The following NPY variants were observed in gnomAD, a reference collection of about 807,000 sequenced individuals.
NPY encodes neuropeptide Y.
In NPY, 11 loss-of-function variants were observed where a neutral mutation model predicts 13.2. That is an observed-to-expected ratio of 0.83 (90% confidence interval 0.52 to 1.38). The LOEUF (loss-of-function observed/expected upper bound fraction) is 1.38. Among genes scored for constraint, NPY ranks in the 40% most tolerant of loss-of-function variants. The pLI is 0.00. For synonymous variants in NPY, 51 were observed against 55.6 expected, an observed-to-expected ratio of 0.92 and a Z score of 0.37; for missense variants, 109 against 125.1, an observed-to-expected ratio of 0.87 and a Z score of 0.61.
chr7:24,286,677 G>C (rs1448972586), intron 2 of NPY, among the ~76,000 whole-genome samples: 2 of 152,100 alleles, frequency 1.3e-5, no homozygotes, highest in African/African-American at 4.8e-5. Context: ...ACATGAAAAT[G>C]CCAGAATTAA....
Position 24,285,189 on chromosome 7 carries a change from C to G in NPY, c.1-52C>G, listed in dbSNP as rs16140. On this transcript the variant is annotated intron_variant, in intron 1 of 3. Coordinates refer to ENST00000242152, the MANE Select transcript of NPY (RefSeq NM_000905.4). This position sits in a 1 kb window ranked among gnomAD's most constrained non-coding sequence, Gnocchi z 4.9. ...GGGGGCAGAGGAGGGAGGTGCTGCGCGTGGGTGCTCTGAATCCCCAAGCCC... is the reference window on the plus strand; with the variant it reads ...GGGGGCAGAGGAGGGAGGTGCTGCGGGTGGGTGCTCTGAATCCCCAAGCCC... The G allele has an allele frequency of 0.27, 421,710 of 1,586,338 alleles. 57,403 individuals are homozygous for G. The highest frequency in any genetic ancestry group is 0.35 in the Middle Eastern group (2,061 of 5,946).
At chr7:24,284,394 C>A (rs938531460) in intron 1 of NPY, 119 bp downstream of exon 1, 1 of 152,442 alleles carries the variant, frequency 6.6e-6, no homozygotes, top group Non-Finnish European at 1.5e-5. Context: ...GCGCTCCACT[C>A]CCCAGCGGAC....
chr7:24,289,605 AT>A, intron 3 of NPY, 26 bp downstream of exon 3: 1 of 1,578,984 alleles, frequency 6.3e-7, no homozygotes, highest in Non-Finnish European at 8.7e-7. Flanking sequence ...TGATGGGGAC[AT>A]TGTTGCAGAG....
rs1226976641 is a variant in NPY, at chr7:24,285,977, G to A, written c.188+549G>A. Among the ~76,000 whole-genome samples the A allele has an allele frequency of 6.6e-6, 1 of 152,102 alleles. No homozygotes were observed. The highest frequency in any genetic ancestry group is 1.5e-5 in the Non-Finnish European group (1 of 68,010). ...GAGCTATTTTCTTTTCTTCTTCACT[G>A]TGTTTTTTTTGCAGTCTCACTCCCA... On this transcript the variant is annotated intron_variant, in intron 2 of 3. Transcript: ENST00000242152. This position sits in a 1 kb window ranked among gnomAD's most constrained non-coding sequence, Gnocchi z 4.9.
In NPY at chr7:24,289,728, G is replaced by C. The variant is rs561057560; in HGVS notation, c.269+149G>C. The C allele has an allele frequency of 9.9e-5, 49 of 496,020 alleles. No homozygotes were observed. In the South Asian group the frequency reaches 2.0e-3, roughly 21 times the overall value. The allele number at this position is 496,020 out of a possible 1,614,324, so 30.7% of individuals were successfully genotyped here. A position where few individuals can be genotyped will look rare whatever the true frequency, so the allele number is the denominator to read the frequency against. On this transcript the variant is annotated intron_variant, in intron 3 of 3. Coordinates refer to ENST00000242152, the MANE Select transcript of NPY (RefSeq NM_000905.4). ...AAATGAGGATGAAGAAGCAGGCAGAGGAGACCTCTCTTTTCATGTACTCAT... is the reference window on the plus strand; with the variant it reads ...AAATGAGGATGAAGAAGCAGGCAGACGAGACCTCTCTTTTCATGTACTCAT...
intron 2 of NPY, among the ~76,000 whole-genome samples, chr7:24,286,553 G>C (rs1787389322): frequency 6.6e-6 from 1 of 152,064 alleles, no homozygotes; most frequent in South Asian, 2.1e-4. Flanking sequence ...GGATCCAAAA[G>C]GGGGGAAGAT....
chr7:24,290,372 G>C (rs1239986533), intron 3 of NPY, among the ~76,000 whole-genome samples: 1 of 151,996 alleles, frequency 6.6e-6, no homozygotes, highest in Non-Finnish European at 1.5e-5. Flanking sequence ...TAGTTCACAG[G>C]GTCCACCCAC....
intron 3 of NPY, among the ~76,000 whole-genome samples, chr7:24,290,581 C>A (rs547805970): frequency 1.3e-4 from 19 of 151,864 alleles, no homozygotes; most frequent in African/African-American, 4.6e-4. Flanking sequence ...TCTAAAATGG[C>A]CAGCCAGCAT....
rs75440375 is a variant in NPY at position 24,285,068 on chromosome 7, G to C, written c.1-173G>C. 7.4e-4 allele frequency: 493 copies of C among 668,582 alleles called. 4 individuals carry two copies. In the East Asian group the frequency reaches 0.012, roughly 16 times the overall value. 41.4% of individuals were successfully genotyped at this position (668,582 alleles called of 1,614,324 possible). ...AGGTCCCGACCGGACGGCGCCCGGA[G>C]CCCGCAAGGTGGTGCTAGCCACTCC... is the stretch of plus-strand genomic sequence containing the variant. On this transcript the variant is annotated intron_variant, in intron 1 of 3. Transcript: ENST00000242152. This position sits in a 1 kb window ranked among gnomAD's most constrained non-coding sequence, Gnocchi z 4.9.
chr7:24,291,653 T>A lies in NPY; in HGVS notation c.270-10T>A. On this transcript the variant is annotated splice_polypyrimidine_tract_variant and intron_variant, in intron 3 of 3. Transcript: ENST00000242152. ...CTTTCCTTACATGCTTTGCTTCTTA[T>A]GTTTTACAGGCTTGAAGACCCTGCA... 1 of 1,614,136 alleles carries A rather than the reference T, an allele frequency of 6.2e-7. No homozygotes were observed. The highest frequency in any genetic ancestry group is 1.1e-5 in the South Asian group (1 of 91,066).
chr7:24,288,948 G>T (rs941983712), intron 2 of NPY, among the ~76,000 whole-genome samples: 2 of 152,128 alleles, frequency 1.3e-5, no homozygotes, highest in Non-Finnish European at 2.9e-5. Context: ...CAAAGACTCT[G>T]ATTTAAGCAG....
intron 3 of NPY, among the ~76,000 whole-genome samples, chr7:24,291,071 C>T (rs1378754148): frequency 2.0e-5 from 3 of 152,094 alleles, no homozygotes; most frequent in Non-Finnish European, 4.4e-5. Flanking sequence ...CGCAGACCTA[C>T]TTAGAACCTT....
intron 2 of NPY, among the ~76,000 whole-genome samples, chr7:24,287,272 T>C (rs1016519132): frequency 6.6e-6 from 1 of 152,194 alleles, no homozygotes; most frequent in Admixed American, 6.5e-5. Flanking sequence ...TCCTGTCTCA[T>C]CTTTGTATAA....
At position 24,285,225 on chromosome 7, in the gene NPY, C is replaced by G; in HGVS notation, c.1-16C>G. On this transcript the variant is annotated splice_polypyrimidine_tract_variant and intron_variant, in intron 1 of 3. Coordinates refer to ENST00000242152, the MANE Select transcript of NPY (RefSeq NM_000905.4). The surrounding 1 kb of genome is among the most constrained non-coding windows in gnomAD (Gnocchi z 4.9). ...TGAATCCCCAAGCCCGTCCGTTGAG[C>G]CTTCTGTGCCTGCAGATGCTAGGTA... 1.2e-6 allele frequency: 2 copies of G among 1,613,822 alleles called. No individual in the cohort carries two copies. The highest frequency in any genetic ancestry group is 8.5e-7 in the Non-Finnish European group (1 of 1,179,850).
chr7:24,286,839 A>G (rs1787404017), intron 2 of NPY, among the ~76,000 whole-genome samples: 1 of 152,266 alleles, frequency 6.6e-6, no homozygotes, highest in Non-Finnish European at 1.5e-5. Flanking sequence ...GTACAAACAA[A>G]AAGATATTAA....
intron 2 of NPY, among the ~76,000 whole-genome samples, chr7:24,287,020 A>AT (rs1350684445): frequency 6.6e-6 from 1 of 152,224 alleles, no homozygotes. Flanking sequence ...AAAGCTTTGA[A>AT]GGGAGTATAA....
chr7:24,290,218 T>A (rs16131), intron 3 of NPY, among the ~76,000 whole-genome samples: 1 of 152,086 alleles, frequency 6.6e-6, no homozygotes, highest in Non-Finnish European at 1.5e-5. Context: ...TGCCCACCAA[T>A]GTCTAAGTGT....
At chr7:24,291,189 A>C (rs1193498386) in intron 3 of NPY, among the ~76,000 whole-genome samples, 1 of 152,150 alleles carries the variant, frequency 6.6e-6, no homozygotes, top group African/African-American at 2.4e-5. Flanking sequence ...AAGGAGACAA[A>C]ACTTGACGGT....
chr7:24,286,726 T>C (rs1222965699), intron 2 of NPY, among the ~76,000 whole-genome samples: 2 of 152,226 alleles, frequency 1.3e-5, no homozygotes, highest in Non-Finnish European at 2.9e-5. Context: ...CTGATCATTT[T>C]AATTAGCAAA....
Sources: gnomAD v4.1 joint callset for allele counts (sites outside exome capture counted in the v4.1 genomes callset) on GRCh38, gnomAD v4.1.1 for gene constraint, Gnocchi (gnomAD v3.1) non-coding constraint, MANE v1.5 for transcripts, NCBI Gene and HGNC (gene_info 2026-07-23, HGNC 2026-07-21) for gene names.